The following TFEC variants were observed in gnomAD, a reference collection of about 807,000 sequenced individuals.
The protein encoded by TFEC is class E basic helix-loop-helix protein 34.
In TFEC, 31 loss-of-function variants were observed where a neutral mutation model predicts 41.6. The ratio of observed to expected loss-of-function variants is 0.74; its 90% confidence interval spans 0.56 to 1.01. TFEC has a LOEUF of 1.01. Ranked by LOEUF, TFEC falls within the 50% of genes least tolerant of loss-of-function variation. The pLI is 0.00. For synonymous variants in TFEC, 143 were observed against 140.6 expected, an observed-to-expected ratio of 1.02 and a Z score of -0.12; for missense variants, 402 against 404.1, an observed-to-expected ratio of 0.99 and a Z score of 0.04.
rs947094907 is a variant in TFEC at position 115,940,293 on chromosome 7, C to T, written c.*258G>A. The T allele has an allele frequency of 5.5e-6, 2 of 364,646 alleles. No homozygotes were observed. The highest frequency in any genetic ancestry group is 4.2e-5 in the African/African-American group (2 of 47,776). 22.6% of individuals were successfully genotyped at this position (364,646 alleles called of 1,614,324 possible). A position where few individuals can be genotyped will look rare whatever the true frequency, so the allele number is the denominator to read the frequency against. ...AAGAGCTATTTCTTATGCTGTACCT[C>T]TTTTCAGGAAAACAGAATTTAAGTG... On this transcript the variant is annotated 3_prime_UTR_variant, in exon 8 of 8. Coordinates refer to ENST00000265440, the MANE Select transcript of TFEC (RefSeq NM_012252.4).
chr7:116,019,656 A>G (rs770712454), intron 1 of TFEC, among the ~76,000 whole-genome samples: 4 of 152,212 alleles, frequency 2.6e-5, no homozygotes, highest in Non-Finnish European at 4.4e-5. Context: ...CACAGCCCCA[A>G]GATTATGAAA....
intron 7 of TFEC, chr7:115,941,576 T>A (rs1562874316): frequency 6.1e-6 from 2 of 327,900 alleles, no homozygotes; most frequent in African/African-American, 4.2e-5. Flanking sequence ...AAATGAGTTA[T>A]ATTTTATGCA....
At chr7:116,154,136 C>T (rs1040069772) in intron 1 of TFEC, among the ~76,000 whole-genome samples, 1 of 152,126 alleles carries the variant, frequency 6.6e-6, no homozygotes, top group Non-Finnish European at 1.5e-5. Flanking sequence ...AACTCAATGG[C>T]CATTCTTCAA....
intron 2 of TFEC, among the ~76,000 whole-genome samples, chr7:115,980,827 G>A (rs947100751): frequency 1.3e-5 from 2 of 151,774 alleles, no homozygotes; most frequent in African/African-American, 4.8e-5. Flanking sequence ...CCATAGTGCT[G>A]TTTAAAAAAT....
intron 1 of TFEC, among the ~76,000 whole-genome samples, chr7:116,020,618 C>G (rs1276916611): frequency 6.6e-6 from 1 of 152,058 alleles, no homozygotes; most frequent in African/African-American, 2.4e-5. Context: ...GTTTCCTTTC[C>G]TTGTCGTAAT....
intron 1 of TFEC, among the ~76,000 whole-genome samples, chr7:116,154,627 T>A (rs1206837488): frequency 6.6e-6 from 1 of 152,220 alleles, no homozygotes; most frequent in Non-Finnish European, 1.5e-5. Context: ...TATAATAGCA[T>A]TAATGAATAT....
At chr7:116,087,544 A>G (rs1239612210) in intron 3 of TFEC, among the ~76,000 whole-genome samples, 2 of 151,990 alleles carry the variant, frequency 1.3e-5, no homozygotes, top group African/African-American at 2.4e-5. Context: ...AGCTGTTAAG[A>G]TTACTCACAA....
intron 1 of TFEC, among the ~76,000 whole-genome samples, chr7:116,024,718 C>G (rs563051943): frequency 1.3e-5 from 2 of 152,298 alleles, no homozygotes; most frequent in African/African-American, 2.4e-5. Flanking sequence ...CATTCAGGGT[C>G]TCACTTTTAT....
In TFEC at chr7:115,950,927, A is replaced by G; in HGVS notation, c.462T>C (p.Asn154=). Residue 154 remains asparagine (N), a synonymous_variant, in exon 6 of 8, where the codon AAT becomes AAC. Transcript: ENST00000265440. ...CAAGCTCCTTGATTCGGTAATTAATATTATACCTTCTTCTTCTTTCAACTA... is the reference window on the plus strand; with the variant it reads ...CAAGCTCCTTGATTCGGTAATTAATGTTATACCTTCTTCTTCTTTCAACTA... ...HNLIERRRRY[N]INYRIKELGT... is the part of the protein sequence containing the mutation. The G allele has an allele frequency of 1.3e-6, 2 of 1,597,976 alleles. No homozygotes were observed. Among genetic ancestry groups the G allele is most frequent in the South Asian group, 2.2e-5 (2 of 89,188 alleles).
intron 5 of TFEC, among the ~76,000 whole-genome samples, 158 bp downstream of exon 5, chr7:115,954,428 C>T (rs1792108956): frequency 6.6e-6 from 1 of 151,976 alleles, no homozygotes; most frequent in African/African-American, 2.4e-5. Flanking sequence ...TCTGAGAGCT[C>T]ACATTGTTAA....
intron 1 of TFEC, among the ~76,000 whole-genome samples, chr7:116,118,419 T>TA (rs1399677683): frequency 1.3e-5 from 2 of 151,836 alleles, no homozygotes; most frequent in Admixed American, 6.6e-5. Context: ...CAGTTATGTA[T>TA]AAAAAATAAT....
At chr7:116,032,087 G>C (rs1243748455), upstream of TFEC, among the ~76,000 whole-genome samples, 1 of 152,092 alleles carries the variant, frequency 6.6e-6, no homozygotes, top group Non-Finnish European at 1.5e-5. Flanking sequence ...GCGAGCTTCA[G>C]AAGGTAAATT....
chr7:115,960,040 A>C (rs1471952164), intron 3 of TFEC, among the ~76,000 whole-genome samples: 1 of 151,436 alleles, frequency 6.6e-6, no homozygotes, highest in Non-Finnish European at 1.5e-5. Context: ...TTTAAAAATC[A>C]AAGTGTTTAT....
chr7:115,949,372 A>T (rs1163043320), intron 6 of TFEC, among the ~76,000 whole-genome samples: 3 of 152,150 alleles, frequency 2.0e-5, no homozygotes, highest in Admixed American at 1.3e-4. Context: ...ATGGAACCAA[A>T]AAAGAGCCTA....
chr7:116,103,153 A>G (rs1436258340), intron 3 of TFEC, among the ~76,000 whole-genome samples: 2 of 152,148 alleles, frequency 1.3e-5, no homozygotes, highest in East Asian at 3.9e-4. Context: ...GAGAGGCCAG[A>G]AGTGAGACAA....
At chr7:116,096,224 T>C (rs758273206) in intron 3 of TFEC, among the ~76,000 whole-genome samples, 1 of 152,004 alleles carries the variant, frequency 6.6e-6, no homozygotes, top group Non-Finnish European at 1.5e-5. Context: ...CACACCCCTA[T>C]AACTACTTGT....
chr7:116,101,711 A>T (rs1797609583), intron 3 of TFEC, among the ~76,000 whole-genome samples: 1 of 152,082 alleles, frequency 6.6e-6, no homozygotes, highest in South Asian at 2.1e-4. Context: ...GGGGGGCAAC[A>T]ATGAATGTAT....
At chr7:116,089,343 T>C (rs1430048088) in intron 3 of TFEC, among the ~76,000 whole-genome samples, 1 of 152,096 alleles carries the variant, frequency 6.6e-6, no homozygotes, top group African/African-American at 2.4e-5. Flanking sequence ...CAATGAAAGA[T>C]TTTTAGTGGA....
chr7:115,981,060 A>T (rs1292280736), intron 2 of TFEC, among the ~76,000 whole-genome samples: 1 of 152,038 alleles, frequency 6.6e-6, no homozygotes, highest in Non-Finnish European at 1.5e-5. Context: ...GATCTAATTG[A>T]TACAGTCCCC....
Sources: allele counts gnomAD v4.1 joint callset (sites outside exome capture counted in the v4.1 genomes callset), GRCh38; gene constraint gnomAD v4.1.1; transcripts MANE v1.5; gene names NCBI Gene and HGNC (gene_info 2026-07-23, HGNC 2026-07-21).